EXTL3: variants seen among roughly 807,000 people sequenced by gnomAD.
EXTL3 encodes the protein exostosin-like 3.
A neutral mutation model predicts 69.3 loss-of-function variants in EXTL3; 27 were observed. The observed-to-expected ratio is 0.39, with a 90% CI of 0.29 to 0.54. The LOEUF (loss-of-function observed/expected upper bound fraction) is 0.54. Among genes scored for constraint, EXTL3 ranks in the 20% least tolerant of loss-of-function variants. EXTL3 has a pLI of 0.69. For missense variants in EXTL3, 1,003 were observed against 1,231.8 expected (o/e 0.81, Z 2.78); for synonymous variants, 511 against 499.4 (o/e 1.02, Z -0.31).
intron 1 of EXTL3, among the ~76,000 whole-genome samples, chr8:28,702,134 C>G (rs1041872841): frequency 6.6e-6 from 1 of 152,196 alleles, no homozygotes; most frequent in African/African-American, 2.4e-5. Context: ...TACCCCCACC[C>G]CTTCCCGAGC....
At chr8:28,617,175 GA>G (rs1806341200) in intron 2 of EXTL3, among the ~76,000 whole-genome samples, 1 of 152,102 alleles carries the variant, frequency 6.6e-6, no homozygotes, top group South Asian at 2.1e-4. Context: ...ATTTCACCAT[GA>G]ATGAGTCATA....
intron 1 of EXTL3, among the ~76,000 whole-genome samples, chr8:28,648,827 C>T (rs1423152599): frequency 1.3e-5 from 2 of 150,784 alleles, no homozygotes; most frequent in African/African-American, 4.9e-5. Context: ...GGGATCCTCC[C>T]ACCTCAGCAT....
intron 1 of EXTL3, among the ~76,000 whole-genome samples, chr8:28,640,919 C>T (rs895683553): frequency 4.6e-5 from 7 of 152,150 alleles, no homozygotes; most frequent in African/African-American, 1.4e-4. Context: ...GCACTTTTAA[C>T]AGACTAGTGT....
At chr8:28,694,922 G>T (rs1800662708) in intron 1 of EXTL3, among the ~76,000 whole-genome samples, 1 of 152,020 alleles carries the variant, frequency 6.6e-6, no homozygotes, top group African/African-American at 2.4e-5. Context: ...TGAAGCAGGA[G>T]AATTTCTTGA....
At chr8:28,722,743 C>T (rs1484797266) in intron 3 of EXTL3, among the ~76,000 whole-genome samples, 2 of 147,258 alleles carry the variant, frequency 1.4e-5, no homozygotes, top group East Asian at 4.0e-4. Flanking sequence ...CACCGCGCTC[C>T]AGCCTGGGTG....
At position 28,668,354 on chromosome 8, in the gene EXTL3, C is replaced by T. The variant is rs1168456032; in HGVS notation, c.-52-45103C>T. Among the ~76,000 whole-genome samples the T allele has an allele frequency of 2.5e-4, 23 of 92,536 alleles. No individual in the cohort carries two copies. In the Admixed American group the frequency reaches 3.6e-3, roughly 14 times the overall value. The allele number at this position is 92,536 out of a possible 152,430, so 60.7% of individuals were successfully genotyped here. A position where few individuals can be genotyped will look rare whatever the true frequency, so the allele number is the denominator to read the frequency against. On this transcript the variant is annotated intron_variant, in intron 1 of 6. Coordinates refer to the EXTL3 transcript ENST00000523149. ...TTTTTTTTTTTTTTTTTTTTTGAGA[C>T]AGAGTCTCACTCTGTCACCCAGGCT...
At chr8:28,659,834 T>G (rs185848354) in intron 1 of EXTL3, among the ~76,000 whole-genome samples, 1 of 152,244 alleles carries the variant, frequency 6.6e-6, no homozygotes, top group East Asian at 1.9e-4. Flanking sequence ...ATGTCCTCAG[T>G]GTTTCTTTGT....
intron 1 of EXTL3, among the ~76,000 whole-genome samples, chr8:28,638,365 T>G (rs1205869952): frequency 6.6e-6 from 1 of 152,216 alleles, no homozygotes; most frequent in Non-Finnish European, 1.5e-5. Context: ...AGGAAATGCA[T>G]TATTTCATGC....
rs1554489489 is a variant in EXTL3 at position 28,754,033 on chromosome 8, C to CTTGTGTGTGTGTGT, written c.*3167_*3168insTTGTGTGTGTGTGT. The CTTGTGTGTGTGTGT allele has an allele frequency of 7.0e-6, 1 of 142,170 alleles. No individual in the cohort carries two copies. Among genetic ancestry groups the CTTGTGTGTGTGTGT allele is most frequent in the African/African-American group, 2.5e-5 (1 of 39,770 alleles). 8.8% of individuals were successfully genotyped at this position (142,170 alleles called of 1,614,324 possible). On this transcript the variant is annotated 3_prime_UTR_variant, in exon 7 of 7. Coordinates refer to ENST00000220562, the MANE Select transcript of EXTL3 (RefSeq NM_001440.4). ...AATTTTTTCATGGGAATTTAAAATGCGTGTGTGTGTGTGTGTGTGTGTGTG... is the reference window on the plus strand; with the variant it reads ...AATTTTTTCATGGGAATTTAAAATGCTTGTGTGTGTGTGTGTGTGTGTGTGTGTGTGTGTGTGTG...
At chr8:28,749,492 T>C (rs1009617947) in intron 6 of EXTL3, among the ~76,000 whole-genome samples, 4 of 152,160 alleles carry the variant, frequency 2.6e-5, no homozygotes, top group Non-Finnish European at 4.4e-5. Flanking sequence ...CCCTCCCTGC[T>C]CCCCTCCATG....
chr8:28,629,749 G>T (rs772008144), intron 1 of EXTL3, among the ~76,000 whole-genome samples: 4 of 152,174 alleles, frequency 2.6e-5, no homozygotes, highest in Admixed American at 6.5e-5. Context: ...AGAAGGACTG[G>T]AATCCTGTTG....
chr8:28,694,108 A>G (rs1585254651), intron 1 of EXTL3, among the ~76,000 whole-genome samples: 1 of 152,178 alleles, frequency 6.6e-6, no homozygotes, highest in African/African-American at 2.4e-5. Flanking sequence ...TCCCTCTCTG[A>G]GACTTGAAGT....
In EXTL3 at chr8:28,623,933, T is replaced by C. The variant is rs1467093079; in HGVS notation, c.-53+1123T>C. 6.6e-6 allele frequency among the ~76,000 whole-genome samples: 1 copy of C among 152,208 alleles called. No individual in the cohort carries two copies. The highest frequency in any genetic ancestry group is 1.9e-4 in the East Asian group (1 of 5,204). On this transcript the variant is annotated intron_variant, in intron 1 of 6. Transcript: ENST00000523149. The surrounding 1 kb of genome is among the most constrained non-coding windows in gnomAD (Gnocchi z 4.2). ...AGAAGGTTGAACTATTAATATTATA[T>C]TTATTGTTCATTCCAAGTCTAAAAT...
intron 1 of EXTL3, chr8:28,710,215 C>T (rs1395914064): frequency 3.8e-6 from 1 of 259,906 alleles, no homozygotes; most frequent in Non-Finnish European, 7.7e-6. Context: ...TGTTGCTGAC[C>T]ACTGGAAAAA....
Position 28,716,734 on chromosome 8 carries a change from C to A in EXTL3, c.675C>A (p.Asn225Lys). 2 of 1,614,198 alleles carry A rather than the reference C, an allele frequency of 1.2e-6. No homozygotes were observed. Among genetic ancestry groups the A allele is most frequent in the Non-Finnish European group, 1.7e-6 (2 of 1,180,046 alleles). ...KQAFQATARA[N>K]VYVTENADIA... ...CTTTTCAGGCGACAGCACGAGCTAA[C>A]GTTTATGTTACAGAAAATGCAGACA... Residue 225 changes from asparagine (N) to lysine (K), a missense_variant, in exon 3 of 7, where the codon AAC (asparagine) becomes AAA (lysine). Physicochemically the swap from Asn to Lys is moderately conservative, Grantham distance 94 (BLOSUM62 0). This residue lies in a region of EXTL3 where 742 missense variants were observed against 815.4 expected (regional missense o/e 0.91). Coordinates refer to ENST00000220562, the MANE Select transcript of EXTL3 (RefSeq NM_001440.4). The surrounding 1 kb of genome is among the most constrained non-coding windows in gnomAD (Gnocchi z 7.1).
chr8:28,664,057 C>T (rs972368279), intron 1 of EXTL3, among the ~76,000 whole-genome samples: 3 of 152,220 alleles, frequency 2.0e-5, no homozygotes, highest in African/African-American at 4.8e-5. Flanking sequence ...TCACCAGTGA[C>T]GGAATGACTA....
intron 1 of EXTL3, among the ~76,000 whole-genome samples, chr8:28,661,895 T>C (rs1041875117): frequency 6.7e-6 from 1 of 149,192 alleles, no homozygotes; most frequent in Non-Finnish European, 1.5e-5. Flanking sequence ...AAAAAAAAAA[T>C]TAAAATAAAA....
At chr8:28,622,198 T>C (rs553929301), upstream of EXTL3, among the ~76,000 whole-genome samples, 41 of 152,378 alleles carry the variant, frequency 2.7e-4, no homozygotes, top group African/African-American at 9.6e-4. Context: ...TTCGAAAGCT[T>C]GCCCTAGTCT....
chr8:28,614,272 C>CTTTTTTTTTTTTTTTTTTTT (rs35659799), intron 2 of EXTL3, among the ~76,000 whole-genome samples: 1 of 104,904 alleles, frequency 9.5e-6, no homozygotes, highest in African/African-American at 4.1e-5. Context: ...GGGTTTTTTG[C>CTTTTTTTTTTTTTTTTTTTT]TTTTTTTTTT....
Sources: allele counts gnomAD v4.1 joint callset (sites outside exome capture counted in the v4.1 genomes callset), GRCh38; gene constraint gnomAD v4.1.1; regional missense constraint gnomAD v4.1.1; non-coding constraint Gnocchi (gnomAD v3.1); transcripts MANE v1.5; gene names NCBI Gene and HGNC (gene_info 2026-07-23, HGNC 2026-07-21).